Variants in TMEM132B observed in about 807,000 individuals in gnomAD.
TMEM132B encodes transmembrane protein 132B.
TMEM132B carries 18 observed loss-of-function variants against 90.8 expected under a neutral mutation model. The observed-to-expected ratio is 0.20, with a 90% CI of 0.14 to 0.29. The LOEUF is 0.29. Among genes scored for constraint, TMEM132B ranks in the 10% least tolerant of loss-of-function variants. The pLI is 1.00. For synonymous variants in TMEM132B, 504 were observed against 523.3 expected (o/e 0.96, Z 0.50); for missense variants, 1,096 against 1,326.8 (o/e 0.83, Z 2.70).
At chr12:125,527,263 CGTT>C (rs1883502189) in intron 4 of TMEM132B, among the ~76,000 whole-genome samples, 4 of 129,984 alleles carry the variant, frequency 3.1e-5, no homozygotes, top group African/African-American at 1.0e-4. Context: ...TCCATCCACC[CGTT>C]TACCCTTCTA....
intron 1 of TMEM132B, among the ~76,000 whole-genome samples, chr12:125,326,895 C>T (rs1289719021): frequency 6.6e-6 from 1 of 152,156 alleles, no homozygotes; most frequent in Non-Finnish European, 1.5e-5. Context: ...AAAGCTATTG[C>T]CACATGCAGG....
chr12:125,401,625 G>A (rs1879324534), intron 2 of TMEM132B, among the ~76,000 whole-genome samples: 1 of 152,134 alleles, frequency 6.6e-6, no homozygotes, highest in South Asian at 2.1e-4. Context: ...GAACCACGAG[G>A]AGCCAGTGTT....
At position 125,483,342 on chromosome 12, in the gene TMEM132B, G is replaced by A. The variant is rs990594860; in HGVS notation, c.1107-36097G>A. Among the ~76,000 whole-genome samples the A allele has an allele frequency of 3.9e-5, 6 of 152,134 alleles. No homozygotes were observed. The East Asian group carries it at 1.2e-3, about 29-fold the overall frequency. On this transcript the variant is annotated intron_variant, in intron 3 of 8. Coordinates refer to ENST00000682704, the MANE Select transcript of TMEM132B (RefSeq NM_001366854.1). The stretch of plus-strand genomic sequence containing the variant: ...TATTAGTATTATGCTGTGTTTTAGT[G>A]GTTTACAGTCTGTATGTGTATACAG...
intron 6 of TMEM132B, among the ~76,000 whole-genome samples, chr12:125,644,484 A>G (rs997438359): frequency 6.6e-6 from 1 of 152,222 alleles, no homozygotes; most frequent in Non-Finnish European, 1.5e-5. Context: ...AGATGATAAT[A>G]ATAATAATAG....
intron 2 of TMEM132B, among the ~76,000 whole-genome samples, chr12:125,394,444 T>C (rs1483342603): frequency 3.3e-5 from 5 of 152,196 alleles, no homozygotes; most frequent in South Asian, 2.1e-4. Context: ...ATGAGGATGA[T>C]GGCAGTGACA....
At chr12:125,552,239 G>A (rs1345740200) in intron 4 of TMEM132B, among the ~76,000 whole-genome samples, 1 of 152,226 alleles carries the variant, frequency 6.6e-6, no homozygotes, top group Non-Finnish European at 1.5e-5. Flanking sequence ...ACGTTGAATA[G>A]CTTGTGCTTC....
At chr12:125,521,028 G>C (rs1883294082) in intron 4 of TMEM132B, among the ~76,000 whole-genome samples, 1 of 152,220 alleles carries the variant, frequency 6.6e-6, no homozygotes, top group Non-Finnish European at 1.5e-5. Context: ...TTTTAAGGTG[G>C]AATGAAACTG....
intron 1 of TMEM132B, among the ~76,000 whole-genome samples, chr12:125,347,575 T>G (rs1593097254): frequency 6.6e-6 from 1 of 152,152 alleles, no homozygotes; most frequent in Admixed American, 6.5e-5. Flanking sequence ...TGCAGAAAAA[T>G]ACGCCACCAG....
At chr12:125,416,227 G>A (rs943423534) in intron 3 of TMEM132B, among the ~76,000 whole-genome samples, 1 of 152,014 alleles carries the variant, frequency 6.6e-6, no homozygotes, top group Non-Finnish European at 1.5e-5. Context: ...AGGACATCTG[G>A]CAGGTAGAAA....
rs1182789317 is a variant in TMEM132B at position 125,399,479 on chromosome 12, GTGTA to G, written c.960-16048_960-16045del. 0.027 allele frequency among the ~76,000 whole-genome samples: 1,225 copies of G among 46,192 alleles called. 36 individuals are homozygous for G. The East Asian group carries it at 0.28, about 11-fold the overall frequency. 30.3% of individuals were successfully genotyped at this position (46,192 alleles called of 152,430 possible). ...AGGAAGTGTGTGTGTGTGTGTGTGT[GTGTA>G]TGTGTGTGTGTGTGTGTGTGTGTGT... On this transcript the variant is annotated intron_variant, in intron 2 of 8. Transcript: ENST00000682704.
chr12:125,439,181 GTTT>G (rs1880793362), intron 3 of TMEM132B, among the ~76,000 whole-genome samples: 3 of 151,570 alleles, frequency 2.0e-5, no homozygotes, highest in African/African-American at 7.3e-5. Context: ...TTTTAAAATG[GTTT>G]TTTCTAGTTC....
intron 1 of TMEM132B, among the ~76,000 whole-genome samples, chr12:125,234,674 G>T (rs571757681): frequency 6.6e-6 from 1 of 152,274 alleles, no homozygotes; most frequent in East Asian, 1.9e-4. Context: ...TCCGAGAGAT[G>T]TCCTCTGTTC....
chr12:125,559,045 A>G (rs1278417665), intron 4 of TMEM132B, among the ~76,000 whole-genome samples: 1 of 152,196 alleles, frequency 6.6e-6, no homozygotes, highest in Non-Finnish European at 1.5e-5. Context: ...TTAGATGATA[A>G]AGTTGAGTCT....
chr12:125,570,533 C>CT (rs2136826695), intron 4 of TMEM132B, among the ~76,000 whole-genome samples: 1 of 152,336 alleles, frequency 6.6e-6, no homozygotes, highest in South Asian at 2.1e-4. Flanking sequence ...TGCTCTGTCT[C>CT]TGAGTGCTAT....
intron 2 of TMEM132B, among the ~76,000 whole-genome samples, chr12:125,396,762 C>G (rs1343385980): frequency 1.3e-5 from 2 of 152,142 alleles, no homozygotes; most frequent in African/African-American, 4.8e-5. Context: ...CTGCCTTGCC[C>G]TCCCAAAGTG....
chr12:125,225,995 C>G (rs994594219), intron 1 of TMEM132B, among the ~76,000 whole-genome samples: 4 of 152,200 alleles, frequency 2.6e-5, no homozygotes, highest in Admixed American at 6.5e-5. Context: ...TCCTATCAAC[C>G]TACAAATTCC....
chr12:125,303,318 A>G (rs7952808), intron 1 of TMEM132B, among the ~76,000 whole-genome samples: 38,471 of 152,146 alleles, frequency 0.25, 5,708 homozygotes, highest in Non-Finnish European at 0.36. Context: ...TACAGCATCT[A>G]TCAGAACTTC....
chr12:125,636,277 C>T (rs1886476528), intron 5 of TMEM132B, among the ~76,000 whole-genome samples: 1 of 152,172 alleles, frequency 6.6e-6, no homozygotes, highest in Non-Finnish European at 1.5e-5. Context: ...CTCAGTGCAC[C>T]ATCGGCTTGA....
At chr12:125,520,768 C>CAGT (rs1461831217) in intron 4 of TMEM132B, among the ~76,000 whole-genome samples, 1 of 152,180 alleles carries the variant, frequency 6.6e-6, no homozygotes, top group Non-Finnish European at 1.5e-5. Context: ...GGATTCATGA[C>CAGT]AGTAGGGTTA....
Sources: allele counts gnomAD v4.1 joint callset (sites outside exome capture counted in the v4.1 genomes callset), GRCh38; gene constraint gnomAD v4.1.1; transcripts MANE v1.5; gene names NCBI Gene and HGNC (gene_info 2026-07-23, HGNC 2026-07-21).